RHAG: variants seen among roughly 807,000 people sequenced by gnomAD.
RHAG encodes the protein ammonium transporter Rh type A.
RHAG carries 25 observed loss-of-function variants against 42.4 expected under a neutral mutation model. That is an observed-to-expected ratio of 0.59 (90% CI 0.43 to 0.82). The LOEUF (loss-of-function observed/expected upper bound fraction) is 0.82. RHAG is among the 40% of genes least tolerant of loss of function. The probability of loss-of-function intolerance (pLI) is 0.00; values close to 1 mark genes in which losing one functional copy is unlikely to be tolerated. For missense variants in RHAG, 483 were observed against 504.6 expected, an observed-to-expected ratio of 0.96 and a Z score of 0.41; for synonymous variants, 182 against 177.7, an observed-to-expected ratio of 1.02 and a Z score of -0.19.
chr6:49,606,999 T>C (rs1009599053), intron 8 of RHAG, 78 bp from the exon 9 acceptor site: 20 of 1,221,720 alleles, frequency 1.6e-5, no homozygotes, highest in Admixed American at 5.2e-5. Flanking sequence ...TTATATACTA[T>C]TATAAAATCA....
chr6:49,606,747 T>G lies in RHAG; in HGVS notation c.1212+101A>C. 3 of 858,726 alleles carry G rather than the reference T, an allele frequency of 3.5e-6. No individual in the cohort carries two copies. The Admixed American group carries it at 5.7e-5, about 16-fold the overall frequency. 53.2% of individuals were successfully genotyped at this position (858,726 alleles called of 1,614,324 possible). A position where few individuals can be genotyped will look rare whatever the true frequency, so the allele number is the denominator to read the frequency against. Reference sequence around the variant, plus strand: ...TACCTACCATGCCAGGCTAACTCAATTTCATCACACCTATGCACACAGATA... The same window carrying G: ...TACCTACCATGCCAGGCTAACTCAAGTTCATCACACCTATGCACACAGATA... On this transcript the variant is annotated intron_variant, in intron 9 of 9. Transcript: ENST00000371175.
At chr6:49,635,260 C>A (rs572303375) in intron 1 of RHAG, among the ~76,000 whole-genome samples, 2 of 151,918 alleles carry the variant, frequency 1.3e-5, no homozygotes, top group East Asian at 3.9e-4. Context: ...TTGAATGATA[C>A]AATTATTAAG....
intron 7 of RHAG, 51 bp downstream of exon 7, chr6:49,610,973 G>A (rs536780554): frequency 3.7e-6 from 6 of 1,611,506 alleles, no homozygotes; most frequent in African/African-American, 2.7e-5. Context: ...CTCAGAGTGA[G>A]AGAAAACATC....
chr6:49,615,103 A>C, intron 4 of RHAG: 1 of 438,196 alleles, frequency 2.3e-6, no homozygotes, highest in Non-Finnish European at 4.1e-6. Context: ...GCGGGCTACC[A>C]TGTCCACCTA....
In RHAG at chr6:49,605,310, A is replaced by G. The variant is rs145040409; in HGVS notation, c.*503T>C. On this transcript the variant is annotated 3_prime_UTR_variant, in exon 10 of 10. Coordinates refer to ENST00000371175, the MANE Select transcript of RHAG (RefSeq NM_000324.3). The stretch of plus-strand genomic sequence containing the variant: ...AATATTCATGCAAGGATACAACATT[A>G]CTAACTAGACTATTTTTAAAATAAA... The G allele has an allele frequency of 1.2e-5, 2 of 166,956 alleles. No homozygotes were observed. Among genetic ancestry groups the G allele is most frequent in the African/African-American group, 2.4e-5 (1 of 41,770 alleles). 10.3% of individuals were successfully genotyped at this position (166,956 alleles called of 1,614,324 possible).
At chr6:49,626,002 T>G (rs1320027582) in intron 1 of RHAG, among the ~76,000 whole-genome samples, 2 of 151,966 alleles carry the variant, frequency 1.3e-5, no homozygotes, top group African/African-American at 4.8e-5. Context: ...GGCCCCCGTG[T>G]TTCAATTACC....
In RHAG at chr6:49,619,336, A is replaced by G; in HGVS notation, c.184T>C (p.Phe62Leu). 1 of 1,614,128 alleles carries G rather than the reference A, an allele frequency of 6.2e-7. No individual in the cohort carries two copies. Among genetic ancestry groups the G allele is most frequent in the Non-Finnish European group, 8.5e-7 (1 of 1,179,998 alleles). Reference sequence around the variant, plus strand: ...GTCATGAGGAAGCCAAACCCAACAAATATCATAACATGTACATCTTGGAAC... The same window carrying G: ...GTCATGAGGAAGCCAAACCCAACAAGTATCATAACATGTACATCTTGGAAC... ...PLFQDVHVMI[F>L]VGFGFLMTFL... is the part of the protein sequence containing the mutation. Residue 62 changes from phenylalanine (F) to leucine (L), a missense_variant, in exon 2 of 10, where the codon TTT becomes CTT. Phe to Leu is a conservative substitution (Grantham distance 22, BLOSUM62 0). Transcript: ENST00000371175.
chr6:49,625,305 G>A (rs77678805), intron 1 of RHAG, among the ~76,000 whole-genome samples: 1 of 152,314 alleles, frequency 6.6e-6, no homozygotes, highest in Non-Finnish European at 1.5e-5. Context: ...GACAATCTGG[G>A]TTGGAATCTG....
At chr6:49,608,319 C>T (rs1327788952) in intron 7 of RHAG, among the ~76,000 whole-genome samples, 4 of 152,066 alleles carry the variant, frequency 2.6e-5, no homozygotes, top group African/African-American at 9.7e-5. Context: ...TGCTTATGAA[C>T]TTGTCTGATT....
At chr6:49,619,468 C>G (rs1762716790) in intron 1 of RHAG, 106 bp from the exon 2 acceptor site, 1 of 1,049,356 alleles carries the variant, frequency 9.5e-7, no homozygotes, top group Non-Finnish European at 1.4e-6. Context: ...GTATAACACA[C>G]TAGGAAAAGA....
chr6:49,632,481 C>A (rs886960805), intron 1 of RHAG, among the ~76,000 whole-genome samples: 2 of 152,274 alleles, frequency 1.3e-5, no homozygotes, highest in South Asian at 4.1e-4. Context: ...TTATCAACTT[C>A]CTGATACTTG....
At chr6:49,626,202 C>G (rs1002815280) in intron 1 of RHAG, among the ~76,000 whole-genome samples, 7 of 152,170 alleles carry the variant, frequency 4.6e-5, no homozygotes, top group African/African-American at 1.4e-4. Flanking sequence ...AGAATTAACT[C>G]AAAAGTCCAC....
chr6:49,623,341 G>A (rs1762794828), intron 1 of RHAG, among the ~76,000 whole-genome samples: 1 of 152,122 alleles, frequency 6.6e-6, no homozygotes, highest in Non-Finnish European at 1.5e-5. Context: ...CGAATAAAAA[G>A]GTTTATAAAC....
chr6:49,612,225 A>T (rs1762580153), intron 6 of RHAG, among the ~76,000 whole-genome samples, 172 bp downstream of exon 6: 1 of 152,250 alleles, frequency 6.6e-6, no homozygotes, highest in Admixed American at 6.5e-5. Context: ...GTCAGGGCAG[A>T]GTAGAACCAC....
At chr6:49,605,864 T>A (rs753710784) in intron 9 of RHAG, 34 bp from the exon 10 acceptor site, 1 of 1,566,194 alleles carries the variant, frequency 6.4e-7, no homozygotes, top group Non-Finnish European at 8.8e-7. Flanking sequence ...CACTTAATAG[T>A]TTATTTCACT....
chr6:49,607,556 A>G (rs1581935407), intron 7 of RHAG, among the ~76,000 whole-genome samples: 1 of 152,190 alleles, frequency 6.6e-6, no homozygotes, highest in East Asian at 1.9e-4. Context: ...ACTCTCTGTC[A>G]GTTTCTTTTC....
At chr6:49,606,270 CT>C (rs1170368164) in intron 9 of RHAG, among the ~76,000 whole-genome samples, 1 of 152,026 alleles carries the variant, frequency 6.6e-6, no homozygotes, top group Non-Finnish European at 1.5e-5. Context: ...TGTTAAATTT[CT>C]TTTGTTTTTT....
chr6:49,620,648 C>G (rs1028868774), intron 1 of RHAG, among the ~76,000 whole-genome samples: 1 of 152,248 alleles, frequency 6.6e-6, no homozygotes, highest in Admixed American at 6.5e-5. Context: ...TCTCCTGCCT[C>G]AGCCTCCCAA....
intron 6 of RHAG, 133 bp from the exon 7 acceptor site, chr6:49,611,278 A>T: frequency 1.4e-6 from 1 of 695,208 alleles, no homozygotes; most frequent in South Asian, 1.9e-5. Flanking sequence ...ATGTATATTT[A>T]AGGTATACAA....
Sources: allele counts gnomAD v4.1 joint callset (sites outside exome capture counted in the v4.1 genomes callset), GRCh38; gene constraint gnomAD v4.1.1; transcripts MANE v1.5; gene names NCBI Gene and HGNC (gene_info 2026-07-23, HGNC 2026-07-21).